The following ITGA1 variants were observed in gnomAD, a reference collection of about 807,000 sequenced individuals.
ITGA1 encodes the protein integrin subunit alpha 1.
ITGA1 carries 85 observed loss-of-function variants against 145.9 expected under a neutral mutation model. That is an observed-to-expected ratio of 0.58 (90% CI 0.49 to 0.70). The LOEUF (loss-of-function observed/expected upper bound fraction) is 0.70, where lower values mean the gene tolerates loss of function less well. ITGA1 is among the 30% of genes least tolerant of loss of function. The pLI is 0.00. For synonymous variants in ITGA1, 520 were observed against 495.3 expected (o/e 1.05, Z -0.66); for missense variants, 1,351 against 1,418.7 (o/e 0.95, Z 0.77).
Position 52,864,753 on chromosome 5 carries a change from C to T in ITGA1, c.296-10C>T. On this transcript the variant is annotated splice_polypyrimidine_tract_variant and intron_variant, in intron 3 of 28. Coordinates refer to ENST00000282588, the MANE Select transcript of ITGA1 (RefSeq NM_181501.2). ...TTTTCCTCCCTCATAAAATTTTGTT[C>T]TATTTTTAGTTAATACATCAATTCC... is the stretch of plus-strand genomic sequence containing the variant. 1 of 1,572,510 alleles carries T rather than the reference C, an allele frequency of 6.4e-7. No individual in the cohort carries two copies.
intron 6 of ITGA1, among the ~76,000 whole-genome samples, chr5:52,872,056 A>G (rs1561233032): frequency 6.6e-6 from 1 of 152,240 alleles, no homozygotes; most frequent in Non-Finnish European, 1.5e-5. Flanking sequence ...GGCTTGATAT[A>G]AAAGTGAAAT....
At chr5:52,840,988 C>T (rs1561224258) in intron 1 of ITGA1, among the ~76,000 whole-genome samples, 1 of 152,156 alleles carries the variant, frequency 6.6e-6, no homozygotes. Context: ...TAACTGGAGA[C>T]CCACAGGACT....
intron 1 of ITGA1, chr5:52,800,116 C>G (rs1046403171): frequency 1.5e-5 from 6 of 400,880 alleles, no homozygotes; most frequent in East Asian, 5.0e-5. Context: ...CCCGCTGTTG[C>G]GTGCTGCCAG....
At chr5:52,838,391 GT>G (rs1295772110) in intron 1 of ITGA1, among the ~76,000 whole-genome samples, 1 of 152,080 alleles carries the variant, frequency 6.6e-6, no homozygotes, top group Non-Finnish European at 1.5e-5. Context: ...TTTTTAATAG[GT>G]TTTTGGTTTT....
At chr5:52,832,910 G>A (rs1302251741) in intron 1 of ITGA1, among the ~76,000 whole-genome samples, 2 of 151,424 alleles carry the variant, frequency 1.3e-5, no homozygotes, top group African/African-American at 4.9e-5. Flanking sequence ...TTTGAGATTG[G>A]GCTGGGCATG....
intron 2 of ITGA1, among the ~76,000 whole-genome samples, chr5:52,852,537 A>C (rs1561227433): frequency 6.6e-6 from 1 of 152,288 alleles, no homozygotes; most frequent in East Asian, 1.9e-4. Context: ...TAGATTCCAA[A>C]ATTTCTGTAC....
chr5:52,910,689 C>T (rs1750493600), intron 14 of ITGA1, among the ~76,000 whole-genome samples: 1 of 144,772 alleles, frequency 6.9e-6, no homozygotes, highest in Non-Finnish European at 1.5e-5. Flanking sequence ...ACTATATATA[C>T]TATATACACA....
rs528589333 is a variant in ITGA1, at chr5:52,823,778, A to C, written c.62-25587A>C. On this transcript the variant is annotated intron_variant, in intron 1 of 28. Transcript: ENST00000282588. Reference sequence around the variant, plus strand: ...AAAGGAAAAGAAAGAATTGGAAACTAGGAGAAAACAAGGAAAAAAGAAGGG... The same window carrying C: ...AAAGGAAAAGAAAGAATTGGAAACTCGGAGAAAACAAGGAAAAAAGAAGGG... Among the ~76,000 whole-genome samples the C allele has an allele frequency of 1.8e-4, 28 of 152,352 alleles. No individual in the cohort carries two copies. The South Asian group carries it at 5.6e-3, about 30-fold the overall frequency.
intron 26 of ITGA1, among the ~76,000 whole-genome samples, chr5:52,940,261 C>T (rs1254127934): frequency 6.6e-6 from 1 of 152,122 alleles, no homozygotes; most frequent in African/African-American, 2.4e-5. Flanking sequence ...TACTTTGGAA[C>T]TCAGTTAATG....
chr5:52,877,947 G>A lies in ITGA1; in HGVS notation c.625-3926G>A, dbSNP rs148029074. Among the ~76,000 whole-genome samples the A allele has an allele frequency of 3.3e-3, 504 of 152,286 alleles. 6 individuals carry two copies. Among genetic ancestry groups the A allele is most frequent in the African/African-American group, 0.011 (465 of 41,564 alleles). On this transcript the variant is annotated intron_variant, in intron 6 of 28. Coordinates refer to ENST00000282588, the MANE Select transcript of ITGA1 (RefSeq NM_181501.2). The stretch of plus-strand genomic sequence containing the variant: ...TCACATGATAGTGATATATTTGTGA[G>A]GAAGCATTTCCAACAGAAAGCAGAT...
At chr5:52,848,741 C>A (rs1749377596) in intron 1 of ITGA1, among the ~76,000 whole-genome samples, 2 of 148,560 alleles carry the variant, frequency 1.3e-5, no homozygotes, top group Admixed American at 1.3e-4. Context: ...CCCCACCACA[C>A]AACAGGCTGC....
At chr5:52,851,194 A>G (rs1036506189) in intron 2 of ITGA1, among the ~76,000 whole-genome samples, 1 of 152,202 alleles carries the variant, frequency 6.6e-6, no homozygotes, top group African/African-American at 2.4e-5. Context: ...TCAATTTCTG[A>G]TATCAGAAAA....
chr5:52,933,717 CCTT>C, intron 22 of ITGA1, 174 bp from the exon 23 acceptor site: 4 of 345,000 alleles, frequency 1.2e-5, no homozygotes, highest in Non-Finnish European at 2.1e-5. Flanking sequence ...ATTACATAAT[CCTT>C]CTCACTCTCC....
chr5:52,896,376 T>C (rs926336182), intron 9 of ITGA1, among the ~76,000 whole-genome samples: 2 of 152,182 alleles, frequency 1.3e-5, no homozygotes, highest in African/African-American at 4.8e-5. Context: ...TGAAAATACA[T>C]GTTTAAATTA....
At chr5:52,834,109 G>C (rs1397791552) in intron 1 of ITGA1, among the ~76,000 whole-genome samples, 5 of 152,094 alleles carry the variant, frequency 3.3e-5, no homozygotes, top group African/African-American at 1.2e-4. Context: ...TTCCTGGTGT[G>C]GTGGCTCTAT....
chr5:52,861,471 T>A lies in ITGA1; in HGVS notation c.207T>A (p.Val69=), dbSNP rs778129875. 1.1e-5 allele frequency: 17 copies of A among 1,613,578 alleles called. No homozygotes were observed. The highest frequency in any genetic ancestry group is 1.7e-4 in the Middle Eastern group (1 of 6,060). Reference sequence around the variant, plus strand: ...GGGTGCTTATTGGTTCTCCGTTAGTTGGCCAACCCAAAAACAGAACTGGAG... The same window carrying A: ...GGGTGCTTATTGGTTCTCCGTTAGTAGGCCAACCCAAAAACAGAACTGGAG... ...GKWVLIGSPL[V]GQPKNRTGDV... The change falls in exon 3 of 29, where the codon GTT becomes GTA. Residue 69 remains valine (V), a synonymous_variant. Coordinates refer to ENST00000282588, the MANE Select transcript of ITGA1 (RefSeq NM_181501.2).
rs551210438 is a variant in ITGA1, at chr5:52,955,812, C to T, written c.*3361C>T. 1.6e-4 allele frequency: 25 copies of T among 152,184 alleles called. 1 individual carries two copies. In the East Asian group the frequency reaches 4.2e-3, roughly 26 times the overall value. The allele number at this position is 152,184 out of a possible 1,614,324, so 9.4% of individuals were successfully genotyped here. A position where few individuals can be genotyped will look rare whatever the true frequency, so the allele number is the denominator to read the frequency against. Reference sequence around the variant, plus strand: ...TTCCTCTGAGCACTAGATTCATGGGCAATTTAATCTCTGAATATTTTCTGT... The same window carrying T: ...TTCCTCTGAGCACTAGATTCATGGGTAATTTAATCTCTGAATATTTTCTGT... On this transcript the variant is annotated 3_prime_UTR_variant, in exon 29 of 29. Coordinates refer to ENST00000282588, the MANE Select transcript of ITGA1 (RefSeq NM_181501.2).
At chr5:52,913,040 C>T (rs1171621140) in intron 14 of ITGA1, among the ~76,000 whole-genome samples, 1 of 152,036 alleles carries the variant, frequency 6.6e-6, no homozygotes, top group Admixed American at 6.6e-5. Flanking sequence ...GCCACCGTGC[C>T]TGGCCGTAAT....
chr5:52,865,892 C>G (rs553652152), intron 6 of ITGA1, 75 bp downstream of exon 6: 1 of 1,226,672 alleles, frequency 8.2e-7, no homozygotes, highest in South Asian at 2.0e-5. Context: ...ACCAAATATT[C>G]TGAAAGCAAA....
Sources: gnomAD v4.1 joint callset for allele counts (sites outside exome capture counted in the v4.1 genomes callset) on GRCh38, gnomAD v4.1.1 for gene constraint, MANE v1.5 for transcripts, NCBI Gene and HGNC (gene_info 2026-07-23, HGNC 2026-07-21) for gene names.